TMEM108: variants seen among roughly 807,000 people sequenced by gnomAD.
TMEM108 encodes transmembrane protein 108.
In TMEM108, 12 loss-of-function variants were observed where a neutral mutation model predicts 35.1. The ratio of observed to expected loss-of-function variants is 0.34; its 90% CI spans 0.22 to 0.55. TMEM108 has a LOEUF of 0.55. Among genes scored for constraint, TMEM108 ranks in the 20% least tolerant of loss-of-function variants. The pLI is 0.89. For synonymous variants in TMEM108, 287 were observed against 308.6 expected (o/e 0.93, Z 0.73); for missense variants, 680 against 753.3 (o/e 0.90, Z 1.14).
intron 3 of TMEM108, among the ~76,000 whole-genome samples, chr3:133,363,068 C>G (rs13097026): frequency 0.13 from 20,305 of 152,198 alleles, 1,456 homozygotes; most frequent in South Asian, 0.22. Flanking sequence ...GTCAAACTTA[C>G]TACATGCGTG....
chr3:133,241,395 C>A (rs1946310656), intron 3 of TMEM108, among the ~76,000 whole-genome samples: 1 of 152,218 alleles, frequency 6.6e-6, no homozygotes, highest in African/African-American at 2.4e-5. Flanking sequence ...TGCTCCTCCC[C>A]TCAGAAGTTT....
chr3:133,228,306 T>C (rs1274728619), intron 2 of TMEM108, among the ~76,000 whole-genome samples: 2 of 152,184 alleles, frequency 1.3e-5, no homozygotes, highest in Admixed American at 6.5e-5. Context: ...AAATTTTATA[T>C]ACAAATGACC....
At chr3:133,057,743 G>A (rs547120048) in intron 2 of TMEM108, among the ~76,000 whole-genome samples, 3 of 151,990 alleles carry the variant, frequency 2.0e-5, no homozygotes, top group Admixed American at 6.5e-5. Flanking sequence ...TACCCTTTTC[G>A]AGAAAAATTA....
chr3:133,171,288 A>G lies in TMEM108; in HGVS notation c.-46-57978A>G, dbSNP rs548481666. On this transcript the variant is annotated intron_variant, in intron 2 of 5. Coordinates refer to ENST00000321871, the MANE Select transcript of TMEM108 (RefSeq NM_023943.4). ...TTTGCTTAAGGATGTTAGGGGCACA[A>G]TAATATAAACAAGTTTTATTGCTAG... is the stretch of plus-strand genomic sequence containing the variant. 7.9e-5 allele frequency among the ~76,000 whole-genome samples: 12 copies of G among 152,360 alleles called. No homozygotes were observed. In the South Asian group the frequency reaches 2.5e-3, roughly 32 times the overall value.
intron 2 of TMEM108, among the ~76,000 whole-genome samples, chr3:133,223,058 C>A (rs890411020): frequency 1.3e-5 from 2 of 152,030 alleles, no homozygotes; most frequent in African/African-American, 4.8e-5. Flanking sequence ...TATTTGAATT[C>A]TTTGTTAGGC....
intron 1 of TMEM108, among the ~76,000 whole-genome samples, chr3:133,039,482 T>C (rs867866927): frequency 2.6e-5 from 4 of 152,264 alleles, no homozygotes; most frequent in South Asian, 4.2e-4. Context: ...GGGAGATGGA[T>C]TGTTGCCTTT....
Position 133,380,347 on chromosome 3 carries a change from C to T in TMEM108, c.636C>T (p.Pro212=). Residue 212 remains proline (P), a synonymous_variant, in exon 4 of 6, where the codon CCC becomes CCT. Coordinates refer to ENST00000321871, the MANE Select transcript of TMEM108 (RefSeq NM_023943.4). This position sits in a 1 kb window ranked among gnomAD's most constrained non-coding sequence, Gnocchi z 5.3. ...CCACACCTCTGGGGCAGAAGCGGCC[C>T]CTGGGGAAAATCTTTCAGATCTACA... ...PSSTPLGQKR[P]LGKIFQIYKG... is the part of the protein sequence containing the mutation. 6.2e-7 allele frequency: 1 copy of T among 1,614,020 alleles called. No homozygotes were observed. Among genetic ancestry groups the T allele is most frequent in the Non-Finnish European group, 8.5e-7 (1 of 1,179,978 alleles).
At chr3:133,147,114 C>T (rs1183577772) in intron 2 of TMEM108, among the ~76,000 whole-genome samples, 1 of 152,168 alleles carries the variant, frequency 6.6e-6, no homozygotes, top group Non-Finnish European at 1.5e-5. Flanking sequence ...ATACATTTCC[C>T]TCTAAACACT....
At chr3:133,150,607 CTACTTGAATAGTAAGAATAATTAG>C (rs1944785804) in intron 2 of TMEM108, among the ~76,000 whole-genome samples, 1 of 152,126 alleles carries the variant, frequency 6.6e-6, no homozygotes, top group South Asian at 2.1e-4. Context: ...CTGTATTCAT[CTACTTGAATAGTAAGAATAATTAG>C]AGAATTAGAG....
intron 3 of TMEM108, among the ~76,000 whole-genome samples, chr3:133,379,097 T>C (rs1374509068): frequency 6.6e-6 from 1 of 152,244 alleles, no homozygotes; most frequent in East Asian, 1.9e-4. Flanking sequence ...TTTGTGGATA[T>C]GTGCGAGCTT....
chr3:133,103,007 C>G (rs933575853), intron 2 of TMEM108, among the ~76,000 whole-genome samples: 1 of 152,102 alleles, frequency 6.6e-6, no homozygotes, highest in African/African-American at 2.4e-5. Flanking sequence ...ATTAGTTCAG[C>G]GATTGTGGAA....
intron 2 of TMEM108, among the ~76,000 whole-genome samples, chr3:133,203,597 T>C (rs529005810): frequency 6.6e-6 from 1 of 152,332 alleles, no homozygotes; most frequent in African/African-American, 2.4e-5. Context: ...TGGAGTACGT[T>C]CATTGATTTG....
intron 3 of TMEM108, 91 bp from the exon 4 acceptor site, chr3:133,379,661 C>T: frequency 7.6e-7 from 1 of 1,311,890 alleles, no homozygotes; most frequent in Non-Finnish European, 1.1e-6. Context: ...TTCCTGAGTT[C>T]CCAGCACTGT....
intron 2 of TMEM108, chr3:133,192,679 A>G (rs1576373087): frequency 6.6e-6 from 1 of 152,562 alleles, no homozygotes; most frequent in East Asian, 1.9e-4. Flanking sequence ...TTGAATCGCC[A>G]CAGGGAAGGA....
chr3:133,380,282 T>A lies in TMEM108; in HGVS notation c.571T>A (p.Ser191Thr), dbSNP rs748408247. The part of the protein sequence containing the change: ...RPVPPAPGGH[S>T]RSKEGQRGRN... ...TGTCCCGCCTGCACCTGGTGGCCAC[T>A]CCAGGAGTAAAGAAGGACAGCGAGG... is the stretch of plus-strand genomic sequence containing the variant. Residue 191 changes from serine (S) to threonine (T), a missense_variant, in exon 4 of 6, where the codon TCC (serine) becomes ACC (threonine). Physicochemically the swap from Ser to Thr is moderately conservative, Grantham distance 58. This residue lies in a region of TMEM108 where 526 missense variants were observed against 532.1 expected (regional missense o/e 0.99). Coordinates refer to ENST00000321871, the MANE Select transcript of TMEM108 (RefSeq NM_023943.4). This position sits in a 1 kb window ranked among gnomAD's most constrained non-coding sequence, Gnocchi z 5.3. 8 of 1,613,754 alleles carry A rather than the reference T, an allele frequency of 5.0e-6. No homozygotes were observed. The African/African-American group carries it at 1.1e-4, about 22-fold the overall frequency.
rs552663855 is a variant in TMEM108, at chr3:133,268,807, G to A, written c.40+39456G>A. Among the ~76,000 whole-genome samples the A allele has an allele frequency of 2.6e-4, 40 of 152,306 alleles. 2 individuals are homozygous for A. In the South Asian group the frequency reaches 8.3e-3, roughly 32 times the overall value. ...GCTAAATTTTCAGAAAAGGGGCCAT[G>A]GGGAATGGAATAATGTGATAAACAG... On this transcript the variant is annotated intron_variant, in intron 3 of 5. Transcript: ENST00000321871.
rs1234308336 is a variant in TMEM108, at chr3:133,371,936, A to G, written c.41-7816A>G. On this transcript the variant is annotated intron_variant, in intron 3 of 5. Transcript: ENST00000321871. ...GACAAGACACTGGCCATTTCCATTC[A>G]GAGAGGTGAGAGCTGGAGTAGAGAT... is the stretch of plus-strand genomic sequence containing the variant. 2.0e-5 allele frequency among the ~76,000 whole-genome samples: 3 copies of G among 152,318 alleles called. No homozygotes were observed. In the East Asian group the frequency reaches 5.8e-4, roughly 29 times the overall value.
chr3:133,342,544 G>GTGTATATATATATATATATATA lies in TMEM108; in HGVS notation c.41-37207_41-37206insGTATATATATATATATATATAT, dbSNP rs1437254898. ...TAAAAAAGTTAAAAAAGAAAATGTG[G>GTGTATATATATATATATATATA]TATATATATATACACACACACACAC... On this transcript the variant is annotated intron_variant, in intron 3 of 5. Transcript: ENST00000321871. Among the ~76,000 whole-genome samples, 60 of 46,650 alleles carry GTGTATATATATATATATATATA rather than the reference G, an allele frequency of 1.3e-3. 10 individuals carry two copies. The highest frequency in any genetic ancestry group is 3.9e-3 in the East Asian group (10 of 2,596). 30.6% of individuals were successfully genotyped at this position (46,650 alleles called of 152,430 possible). A position where few individuals can be genotyped will look rare whatever the true frequency, so the allele number is the denominator to read the frequency against.
intron 2 of TMEM108, among the ~76,000 whole-genome samples, chr3:133,199,690 G>A (rs948420476): frequency 8.5e-5 from 13 of 152,088 alleles, no homozygotes; most frequent in African/African-American, 1.4e-4. Context: ...GGTGTCAGTC[G>A]GCCTCTACTG....
Sources: gnomAD v4.1 joint callset for allele counts (sites outside exome capture counted in the v4.1 genomes callset) on GRCh38, gnomAD v4.1.1 for gene constraint, gnomAD v4.1.1 regional missense constraint, Gnocchi (gnomAD v3.1) non-coding constraint, MANE v1.5 for transcripts, NCBI Gene and HGNC (gene_info 2026-07-23, HGNC 2026-07-21) for gene names.